The following BICDL1 variants were observed in gnomAD, a reference collection of about 807,000 sequenced individuals.
The protein encoded by BICDL1 is BICD family like cargo adaptor 1, also known as BICD family-like cargo adapter 1.
In BICDL1, 20 loss-of-function variants were observed where a neutral mutation model predicts 76.8. The ratio of observed to expected loss-of-function variants is 0.26; its 90% CI spans 0.18 to 0.38. BICDL1 has a LOEUF of 0.38. BICDL1 is among the 10% of genes least tolerant of loss of function. The pLI is 1.00. For missense variants in BICDL1, 700 were observed against 798.6 expected, an observed-to-expected ratio of 0.88 and a Z score of 1.49; for synonymous variants, 383 against 337.1, an observed-to-expected ratio of 1.14 and a Z score of -1.49.
chr12:120,049,564 G>A (rs1308037401), intron 2 of BICDL1, among the ~76,000 whole-genome samples: 1 of 152,040 alleles, frequency 6.6e-6, no homozygotes, highest in East Asian at 1.9e-4. Context: ...ATATATCTAG[G>A]TGTGGATTTC....
In BICDL1 at chr12:120,080,997, C is replaced by G. The variant is rs369172036; in HGVS notation, c.1563C>G (p.Asp521Glu). The part of the protein sequence containing the change: ...PKEQLQKAIR[D>E]RDEAIAKKNA... ...AGCAGCTTCAGAAGGCCATCAGGGA[C>G]CGCGACGAGGCCATTGCAAAGTGAG... is the stretch of plus-strand genomic sequence containing the variant. The change falls in exon 8 of 10, where the codon GAC (aspartate) becomes GAG (glutamate). Residue 521 changes from aspartate to glutamate, a missense_variant. Around this residue, in one of 3 missense-constraint regions of BICDL1, gnomAD observed 455 missense variants for 548.7 expected, o/e 0.83. Transcript: ENST00000548673. The G allele has an allele frequency of 6.8e-5, 110 of 1,613,440 alleles. No individual in the cohort carries two copies. In the African/African-American group the frequency reaches 1.4e-3, roughly 20 times the overall value.
At chr12:120,029,885 G>A (rs1292658227) in intron 2 of BICDL1, among the ~76,000 whole-genome samples, 1 of 152,164 alleles carries the variant, frequency 6.6e-6, no homozygotes. Flanking sequence ...GACCTCAGGT[G>A]ATCTGCTCGC....
chr12:120,040,547 C>A (rs1287338893), intron 2 of BICDL1, among the ~76,000 whole-genome samples: 1 of 152,086 alleles, frequency 6.6e-6, no homozygotes, highest in Non-Finnish European at 1.5e-5. Context: ...TCCTGAGTAG[C>A]TGAGACTATA....
At chr12:120,088,187 C>A (rs1383670208) in intron 8 of BICDL1, among the ~76,000 whole-genome samples, 1 of 152,062 alleles carries the variant, frequency 6.6e-6, no homozygotes, top group Non-Finnish European at 1.5e-5. Flanking sequence ...CCACCTTGGC[C>A]TCCCAAAGTG....
At chr12:120,088,366 T>C (rs918956025) in intron 8 of BICDL1, among the ~76,000 whole-genome samples, 3 of 152,186 alleles carry the variant, frequency 2.0e-5, no homozygotes, top group Non-Finnish European at 2.9e-5. Flanking sequence ...GTTTTGTTTT[T>C]ATTTTTTTGA....
At chr12:120,021,747 A>T (rs905448294) in intron 2 of BICDL1, among the ~76,000 whole-genome samples, 8 of 151,336 alleles carry the variant, frequency 5.3e-5, no homozygotes, top group South Asian at 4.2e-4. Flanking sequence ...CCCACTAAAA[A>T]TACTAAAATT....
chr12:120,042,391 G>A (rs967658936), intron 2 of BICDL1, among the ~76,000 whole-genome samples: 2 of 152,210 alleles, frequency 1.3e-5, no homozygotes, highest in Non-Finnish European at 2.9e-5. Context: ...GAGAAGGGAA[G>A]AGTCAAGGAG....
chr12:119,997,044 G>C (rs927175292), intron 1 of BICDL1, among the ~76,000 whole-genome samples: 7 of 151,894 alleles, frequency 4.6e-5, no homozygotes, highest in Admixed American at 1.3e-4. Context: ...TGCCTCCCGG[G>C]TTCATGCCAT....
intron 2 of BICDL1, among the ~76,000 whole-genome samples, chr12:120,028,736 G>A (rs1295679775): frequency 6.6e-6 from 1 of 152,102 alleles, no homozygotes; most frequent in African/African-American, 2.4e-5. Context: ...AGCTGAGTGT[G>A]TTGTTGTACA....
intron 2 of BICDL1, among the ~76,000 whole-genome samples, chr12:120,014,307 C>T (rs976380660): frequency 2.0e-5 from 3 of 152,136 alleles, no homozygotes; most frequent in Non-Finnish European, 4.4e-5. Context: ...TTGAATTATT[C>T]CTCAAAAACC....
At chr12:120,055,677 G>A (rs1490272643) in intron 2 of BICDL1, among the ~76,000 whole-genome samples, 1 of 152,168 alleles carries the variant, frequency 6.6e-6, no homozygotes, top group African/African-American at 2.4e-5. Context: ...TCTGTATTCA[G>A]TGAAAGTAAA....
At chr12:120,090,788 GC>G (rs1360656530) in intron 9 of BICDL1, 1 of 892,210 alleles carries the variant, frequency 1.1e-6, no homozygotes, top group Non-Finnish European at 1.6e-6. Flanking sequence ...GCCCCATGGG[GC>G]TGGCAGCCAG....
chr12:120,075,821 T>C (rs3852585), intron 7 of BICDL1, among the ~76,000 whole-genome samples: 130,879 of 152,286 alleles, frequency 0.86, 56,726 homozygotes, highest in East Asian at 0.99. Flanking sequence ...TGTCCTCTTC[T>C]TTCTGTGAGT....
At chr12:120,063,933 C>T (rs576665104) in intron 3 of BICDL1, among the ~76,000 whole-genome samples, 1 of 152,298 alleles carries the variant, frequency 6.6e-6, no homozygotes, top group South Asian at 2.1e-4. Flanking sequence ...CCCTCTTTGC[C>T]TCTGTTTTCT....
intron 2 of BICDL1, among the ~76,000 whole-genome samples, chr12:120,050,080 T>C (rs1952824191): frequency 6.6e-6 from 1 of 152,204 alleles, no homozygotes; most frequent in African/African-American, 2.4e-5. Flanking sequence ...CTTCTTCATG[T>C]GCCTATTGGC....
intron 2 of BICDL1, among the ~76,000 whole-genome samples, chr12:120,024,715 T>C (rs767000217): frequency 5.3e-5 from 8 of 152,080 alleles, no homozygotes; most frequent in Non-Finnish European, 8.8e-5. Flanking sequence ...TTTAACAGAG[T>C]CTCACTCCAT....
intron 2 of BICDL1, among the ~76,000 whole-genome samples, chr12:120,040,477 A>G (rs1952617080): frequency 6.6e-6 from 1 of 151,372 alleles, no homozygotes; most frequent in Non-Finnish European, 1.5e-5. Context: ...CCCAGGCTGC[A>G]CCATCTTGGC....
intron 2 of BICDL1, among the ~76,000 whole-genome samples, chr12:120,023,132 T>C (rs1439700009): frequency 6.6e-6 from 1 of 152,184 alleles, no homozygotes. Flanking sequence ...TCCAATCTTT[T>C]GACTTCCCTG....
At chr12:120,086,056 C>T (rs1717929449) in intron 8 of BICDL1, among the ~76,000 whole-genome samples, 3 of 149,360 alleles carry the variant, frequency 2.0e-5, no homozygotes, top group Admixed American at 2.0e-4. Flanking sequence ...AGCAAATCTA[C>T]ATGAAACCTT....
Sources: gnomAD v4.1 joint callset for allele counts (sites outside exome capture counted in the v4.1 genomes callset) on GRCh38, gnomAD v4.1.1 for gene constraint, gnomAD v4.1.1 regional missense constraint, MANE v1.5 for transcripts, NCBI Gene and HGNC (gene_info 2026-07-23, HGNC 2026-07-21) for gene names.